Variants in KMT2A observed in about 807,000 individuals in gnomAD.
KMT2A encodes histone-lysine N-methyltransferase 2A.
In KMT2A, 16 loss-of-function variants were observed where a neutral mutation model predicts 345.3. That is an observed-to-expected ratio of 0.05 (90% confidence interval 0.03 to 0.07). The LOEUF (loss-of-function observed/expected upper bound fraction) is 0.07, where lower values mean the gene tolerates loss of function less well. Among genes scored for constraint, KMT2A ranks in the 10% least tolerant of loss-of-function variants. KMT2A has a pLI of 1.00. For synonymous variants in KMT2A, 1,599 were observed against 1,778.6 expected, an observed-to-expected ratio of 0.90 and a Z score of 2.54; for missense variants, 3,272 against 4,841.6, an observed-to-expected ratio of 0.68 and a Z score of 9.62.
Position 118,490,040 on chromosome 11 carries a change from C to A in KMT2A, c.4576-89C>A. On this transcript the variant is annotated intron_variant, in intron 12 of 35. Transcript: ENST00000534358. The surrounding 1 kb of genome is among the most constrained non-coding windows in gnomAD (Gnocchi z 4.2). ...AATCATCTCAGCAGAGAAATTAAAT[C>A]TATAAATGGATGCATTTAAGATCTT... 3 of 1,454,946 alleles carry A rather than the reference C, an allele frequency of 2.1e-6. No individual in the cohort carries two copies. The highest frequency in any genetic ancestry group is 9.4e-7 in the Non-Finnish European group (1 of 1,066,976). 90.1% of individuals were successfully genotyped at this position (1,454,946 alleles called of 1,614,324 possible). A position where few individuals can be genotyped will look rare whatever the true frequency, so the allele number is the denominator to read the frequency against.
intron 28 of KMT2A, chr11:118,507,845 C>T (rs1950614225): frequency 4.9e-6 from 2 of 404,756 alleles, no homozygotes. Flanking sequence ...CGCCTGTAGT[C>T]CCAGCCACTC....
At chr11:118,517,069 AAAAATTATTAAGG>A (rs1950831078) in intron 31 of KMT2A, among the ~76,000 whole-genome samples, 1 of 152,102 alleles carries the variant, frequency 6.6e-6, no homozygotes, top group South Asian at 2.1e-4. Flanking sequence ...ACTTCCAGGA[AAAAATTATTAAGG>A]AAAATTAGTG....
Position 118,520,932 on chromosome 11 carries a change from T to C in KMT2A, c.11513+47T>C. 1 of 1,464,252 alleles carries C rather than the reference T, an allele frequency of 6.8e-7. No individual in the cohort carries two copies. The highest frequency in any genetic ancestry group is 9.6e-7 in the Non-Finnish European group (1 of 1,044,322). The allele number at this position is 1,464,252 out of a possible 1,614,324, so 90.7% of individuals were successfully genotyped here. Reference sequence around the variant, plus strand: ...GAATTACAGAAAACGAATGCAGTTTTTCAAAATCAAAGCAGACCAAATGCT... The same window carrying C: ...GAATTACAGAAAACGAATGCAGTTTCTCAAAATCAAAGCAGACCAAATGCT... On this transcript the variant is annotated intron_variant, in intron 34 of 35. Transcript: ENST00000534358. The surrounding 1 kb of genome is among the most constrained non-coding windows in gnomAD (Gnocchi z 4.3).
rs782531805 is a variant in KMT2A, at chr11:118,436,716, A to T, written c.204A>T (p.Gly68=). The change falls in exon 1 of 36, where the codon GGA becomes GGT. Residue 68 remains glycine, a synonymous_variant. Coordinates refer to ENST00000534358, the MANE Select transcript of KMT2A (RefSeq NM_001197104.2). The surrounding 1 kb of genome is among the most constrained non-coding windows in gnomAD (Gnocchi z 6.9). ...PAVAAAAAAA[G]SSGAGVPGGA... is the part of the protein sequence containing the mutation. ...TGGCGGCCGCGGCGGCGGCGGCGGG[A>T]AGCAGCGGGGCTGGGGTTCCAGGGG... 7.2e-7 allele frequency: 1 copy of T among 1,379,614 alleles called. No individual in the cohort carries two copies. Among genetic ancestry groups the T allele is most frequent in the Non-Finnish European group, 9.4e-7 (1 of 1,061,824 alleles). 85.5% of individuals were successfully genotyped at this position (1,379,614 alleles called of 1,614,324 possible).
At chr11:118,500,310 G>C (rs7116876) in intron 24 of KMT2A, among the ~76,000 whole-genome samples, 6,290 of 152,136 alleles carry the variant, frequency 0.041, 180 homozygotes, top group South Asian at 0.068. Context: ...ACACAATAAT[G>C]ATCAAATTTT....
intron 8 of KMT2A, among the ~76,000 whole-genome samples, chr11:118,483,789 T>C (rs1185033952): frequency 6.6e-6 from 1 of 152,118 alleles, no homozygotes; most frequent in Non-Finnish European, 1.5e-5. Flanking sequence ...CCCAGCACTT[T>C]GGGGGGCCAA....
chr11:118,441,207 T>C (rs1555140048), intron 1 of KMT2A, among the ~76,000 whole-genome samples: 3 of 152,012 alleles, frequency 2.0e-5, no homozygotes. Flanking sequence ...TCTCACTATG[T>C]TGCCCAGGTG....
At position 118,504,996 on chromosome 11, in the gene KMT2A, A is replaced by G. The variant is rs1555047503; in HGVS notation, c.9104A>G (p.Gln3035Arg). 1 of 1,614,184 alleles carries G rather than the reference A, an allele frequency of 6.2e-7. No homozygotes were observed. Among genetic ancestry groups the G allele is most frequent in the South Asian group, 1.1e-5 (1 of 91,086 alleles). Residue 3035 changes from glutamine to arginine, a missense_variant, in exon 27 of 36, where the codon CAG becomes CGG. Gln to Arg is a conservative substitution (Grantham distance 43). This residue lies in a region of KMT2A where 748 missense variants were observed against 922.2 expected (regional missense o/e 0.81). Transcript: ENST00000534358. The surrounding 1 kb of genome is among the most constrained non-coding windows in gnomAD (Gnocchi z 6.4). ...AGGAACAGTAGCACCCCTGGCCTTC[A>G]GGTACCTGTTTCCCCAACTGTTCCC... Reference protein sequence around the residue: ...LTRNSSTPGLQVPVSPTVPIQ... With the variant: ...LTRNSSTPGLRVPVSPTVPIQ...
rs1555054274 is a variant in KMT2A at position 118,523,332 on chromosome 11, C to T, written c.*1160C>T. On this transcript the variant is annotated 3_prime_UTR_variant, in exon 36 of 36. Transcript: ENST00000534358. Reference sequence around the variant, plus strand: ...GCAGAACACTAATCAGATTTCAAGGCCCACAACTTGGGGACTAGACCACCT... The same window carrying T: ...GCAGAACACTAATCAGATTTCAAGGTCCACAACTTGGGGACTAGACCACCT... 4.4e-6 allele frequency: 1 copy of T among 228,936 alleles called. No homozygotes were observed. Among genetic ancestry groups the T allele is most frequent in the Admixed American group, 5.7e-5 (1 of 17,606 alleles). The allele number at this position is 228,936 out of a possible 1,614,324, so 14.2% of individuals were successfully genotyped here. A position where few individuals can be genotyped will look rare whatever the true frequency, so the allele number is the denominator to read the frequency against.
At chr11:118,467,142 C>T (rs868979023) in intron 1 of KMT2A, among the ~76,000 whole-genome samples, 102 of 152,004 alleles carry the variant, frequency 6.7e-4, no homozygotes, top group African/African-American at 2.4e-3. Context: ...TTTGGGAGGC[C>T]GAGGTGGGCA....
rs782442429 is a variant in KMT2A at position 118,471,713 on chromosome 11, G to A, written c.554G>A (p.Arg185Gln). The A allele has an allele frequency of 1.1e-5, 18 of 1,604,022 alleles. No homozygotes were observed. The highest frequency in any genetic ancestry group is 5.6e-5 in the South Asian group (5 of 89,766). Reference protein sequence around the residue: ...PRGRPRSGSDRNSAILSDPSV... With the variant: ...PRGRPRSGSDQNSAILSDPSV... ...GGGAGACCTAGAAGTGGCTCTGACC[G>A]AAATTCAGCTATCCTCTCAGATCCA... Residue 185 changes from arginine (R) to glutamine (Q), a missense_variant, in exon 3 of 36, where the codon CGA (arginine) becomes CAA (glutamine). Physicochemically the swap from Arg to Gln is conservative, Grantham distance 43. Coordinates refer to ENST00000534358, the MANE Select transcript of KMT2A (RefSeq NM_001197104.2).
chr11:118,479,614 CA>C (rs1238257174), intron 5 of KMT2A, among the ~76,000 whole-genome samples: 2 of 152,034 alleles, frequency 1.3e-5, no homozygotes, highest in African/African-American at 4.8e-5. Flanking sequence ...ATTCACAGAT[CA>C]CAAAAAAGTA....
At chr11:118,478,514 T>C (rs1336588215) in intron 5 of KMT2A, among the ~76,000 whole-genome samples, 2 of 152,240 alleles carry the variant, frequency 1.3e-5, no homozygotes, top group African/African-American at 2.4e-5. Context: ...ATGTGATTAG[T>C]GTGACTGAGG....
At chr11:118,506,773 G>A in intron 27 of KMT2A, 127 bp downstream of exon 27, 1 of 1,003,870 alleles carries the variant, frequency 1.0e-6, no homozygotes, top group Non-Finnish European at 1.4e-6. Flanking sequence ...AGTTTTCCGG[G>A]TTTTGACTTT....
At chr11:118,514,969 G>A (rs782357341) in intron 31 of KMT2A, among the ~76,000 whole-genome samples, 12 of 151,530 alleles carry the variant, frequency 7.9e-5, no homozygotes, top group Non-Finnish European at 1.0e-4. Flanking sequence ...GGGTTTCACC[G>A]TGCTGGTCAG....
Position 118,503,635 on chromosome 11 carries a change from C to G in KMT2A, c.7743C>G (p.Thr2581=). 2 of 1,614,198 alleles carry G rather than the reference C, an allele frequency of 1.2e-6. No individual in the cohort carries two copies. Among genetic ancestry groups the G allele is most frequent in the Non-Finnish European group, 1.7e-6 (2 of 1,180,038 alleles). The change falls in exon 27 of 36, where the codon ACC becomes ACG. Residue 2581 remains threonine (T), a synonymous_variant. Coordinates refer to ENST00000534358, the MANE Select transcript of KMT2A (RefSeq NM_001197104.2). The surrounding 1 kb of genome is among the most constrained non-coding windows in gnomAD (Gnocchi z 5.3). ...TGGCCCAACCAAGCCCCAATAATAC[C>G]TCATGCCAGGATTCTCAAAGTAACA... ...GPVAQPSPNN[T]SCQDSQSNNY... is the part of the protein sequence containing the mutation.
At chr11:118,486,928 C>T (rs1308103013) in intron 10 of KMT2A, among the ~76,000 whole-genome samples, 1 of 152,102 alleles carries the variant, frequency 6.6e-6, no homozygotes, top group East Asian at 1.9e-4. Context: ...AAAATCCAAG[C>T]TAGGTTGAAA....
In KMT2A at chr11:118,484,534, A is replaced by G. The variant is rs1950197364; in HGVS notation, c.4218+220A>G. Among the ~76,000 whole-genome samples, 1 of 152,200 alleles carries G rather than the reference A, an allele frequency of 6.6e-6. No homozygotes were observed. Among genetic ancestry groups the G allele is most frequent in the Admixed American group, 6.5e-5 (1 of 15,278 alleles). ...AGAACATACATAATGAAACATTCCT[A>G]TCCATCCTGAGCAGTATCAGAGGAA... On this transcript the variant is annotated intron_variant, in intron 9 of 35. Coordinates refer to ENST00000534358, the MANE Select transcript of KMT2A (RefSeq NM_001197104.2). This position sits in a 1 kb window ranked among gnomAD's most constrained non-coding sequence, Gnocchi z 4.1.
chr11:118,452,315 C>T (rs898054106), intron 1 of KMT2A, among the ~76,000 whole-genome samples: 3 of 151,994 alleles, frequency 2.0e-5, no homozygotes, highest in Non-Finnish European at 1.5e-5. Context: ...GAGGAAGGAC[C>T]GCATGAGCTC....
Sources: allele counts gnomAD v4.1 joint callset (sites outside exome capture counted in the v4.1 genomes callset), GRCh38; gene constraint gnomAD v4.1.1; regional missense constraint gnomAD v4.1.1; non-coding constraint Gnocchi (gnomAD v3.1); transcripts MANE v1.5; gene names NCBI Gene and HGNC (gene_info 2026-07-23, HGNC 2026-07-21).